ANTXR1: variants seen among roughly 807,000 people sequenced by gnomAD.
The protein encoded by ANTXR1 is anthrax toxin receptor 1.
ANTXR1 carries 19 observed loss-of-function variants against 78.1 expected under a neutral mutation model. The observed-to-expected ratio is 0.24, with a 90% CI of 0.17 to 0.36. The LOEUF (loss-of-function observed/expected upper bound fraction) is 0.36, where lower values mean the gene tolerates loss of function less well. ANTXR1 is among the 10% of genes least tolerant of loss of function. The probability of loss-of-function intolerance (pLI) is 1.00; values close to 1 mark genes in which losing one functional copy is unlikely to be tolerated. For synonymous variants in ANTXR1, 273 were observed against 260.5 expected (o/e 1.05, Z -0.46); for missense variants, 518 against 718.6 (o/e 0.72, Z 3.19).
intron 1 of ANTXR1, among the ~76,000 whole-genome samples, chr2:69,032,677 G>C (rs1671563638): frequency 6.6e-6 from 1 of 152,162 alleles, no homozygotes; most frequent in African/African-American, 2.4e-5. Context: ...TAACAACAGT[G>C]CTTTTGTGTT....
At chr2:69,155,709 G>T (rs1018934746) in intron 13 of ANTXR1, among the ~76,000 whole-genome samples, 5 of 152,178 alleles carry the variant, frequency 3.3e-5, no homozygotes, top group African/African-American at 4.8e-5. Flanking sequence ...CTAAAAAGTT[G>T]TAGAAAATGC....
intron 9 of ANTXR1, among the ~76,000 whole-genome samples, chr2:69,095,011 C>T (rs1353494034): frequency 6.6e-6 from 1 of 152,182 alleles, no homozygotes; most frequent in African/African-American, 2.4e-5. Flanking sequence ...CATCAATAAC[C>T]ATCCAGTGTC....
chr2:69,102,939 C>T lies in ANTXR1; in HGVS notation c.801C>T (p.Leu267=), dbSNP rs141801948. The part of the protein sequence containing the change: ...CSFKINDSVT[L]NEKPFSVEDT... ...TCAAGATCAATGACTCGGTCACACT[C>T]AGTAAGTCCTTGCAGAGTCCATGGG... The change falls in exon 10 of 18, where the codon CTC becomes CTT. Residue 267 remains leucine, a splice_region_variant and synonymous_variant. Transcript: ENST00000303714. 6.2e-7 allele frequency: 1 copy of T among 1,614,100 alleles called. No individual in the cohort carries two copies. Among genetic ancestry groups the T allele is most frequent in the Non-Finnish European group, 8.5e-7 (1 of 1,179,962 alleles).
rs534831322 is a variant in ANTXR1 at position 69,172,619 on chromosome 2, A to G, written c.1089+2330A>G. On this transcript the variant is annotated intron_variant, in intron 14 of 17. Transcript: ENST00000303714. Reference sequence around the variant, plus strand: ...ATTTATCCCAACTTTCATCAGCTCTATCAACATCATATTCTGAGAGAGGCA... The same window carrying G: ...ATTTATCCCAACTTTCATCAGCTCTGTCAACATCATATTCTGAGAGAGGCA... The G allele has an allele frequency of 1.2e-4, 118 of 1,017,020 alleles. No individual in the cohort carries two copies. The African/African-American group carries it at 1.7e-3, about 15-fold the overall frequency. The allele number at this position is 1,017,020 out of a possible 1,614,324, so 63.0% of individuals were successfully genotyped here. A position where few individuals can be genotyped will look rare whatever the true frequency, so the allele number is the denominator to read the frequency against.
At chr2:69,073,310 A>G (rs1670628469) in intron 6 of ANTXR1, among the ~76,000 whole-genome samples, 1 of 152,216 alleles carries the variant, frequency 6.6e-6, no homozygotes, top group Admixed American at 6.5e-5. Flanking sequence ...TTCCCCTTTC[A>G]AAATTTTTAC....
intron 12 of ANTXR1, among the ~76,000 whole-genome samples, chr2:69,138,714 C>T (rs577477639): frequency 3.2e-4 from 48 of 152,290 alleles, no homozygotes; most frequent in African/African-American, 1.0e-3. Flanking sequence ...TTAGTTTAGT[C>T]AGTGCCCAAA....
At chr2:69,123,156 A>G (rs1672408876) in intron 11 of ANTXR1, 70 bp downstream of exon 11, 12 of 1,512,088 alleles carry the variant, frequency 7.9e-6, no homozygotes, top group African/African-American at 1.4e-5. Flanking sequence ...GGACAGGGGA[A>G]AAGAAAGCAT....
Position 69,105,116 on chromosome 2 carries a change from C to T in ANTXR1, c.802+2176C>T, listed in dbSNP as rs144482946. On this transcript the variant is annotated intron_variant, in intron 10 of 17. Transcript: ENST00000303714. ...TAATAGGAAGAAGATGAAATGCAAA[C>T]TCACTATGGATTTGTCAAGTGAGTA... Among the ~76,000 whole-genome samples the T allele has an allele frequency of 4.1e-4, 62 of 152,284 alleles. No individual in the cohort carries two copies. The East Asian group carries it at 0.012, about 29-fold the overall frequency.
chr2:69,236,224 G>T (rs2104527117), intron 17 of ANTXR1, among the ~76,000 whole-genome samples: 1 of 152,224 alleles, frequency 6.6e-6, no homozygotes, highest in Non-Finnish European at 1.5e-5. Flanking sequence ...AATAAAAAAA[G>T]ATCAAAACCT....
intron 12 of ANTXR1, among the ~76,000 whole-genome samples, chr2:69,147,225 G>T (rs1423578614): frequency 6.6e-6 from 1 of 152,238 alleles, no homozygotes; most frequent in Non-Finnish European, 1.5e-5. Context: ...ATCTTGGAAC[G>T]TGGTAAAGAT....
At chr2:69,188,400 C>T (rs1021936484) in intron 16 of ANTXR1, among the ~76,000 whole-genome samples, 12 of 152,244 alleles carry the variant, frequency 7.9e-5, no homozygotes, top group Non-Finnish European at 1.5e-4. Flanking sequence ...CGGCTCCCTA[C>T]CTCCAGAATG....
At chr2:69,199,606 GTGGTTTTCAA>G (rs1167175053) in intron 17 of ANTXR1, among the ~76,000 whole-genome samples, 2 of 152,204 alleles carry the variant, frequency 1.3e-5, no homozygotes, top group African/African-American at 4.8e-5. Context: ...GTGGACTCCA[GTGGTTTTCAA>G]TGTGTTTGCA....
At chr2:69,150,437 C>T (rs1673360831) in intron 12 of ANTXR1, among the ~76,000 whole-genome samples, 1 of 152,184 alleles carries the variant, frequency 6.6e-6, no homozygotes, top group Non-Finnish European at 1.5e-5. Flanking sequence ...AATCCCTGGG[C>T]CCAGTGAGCT....
rs568259961 is a variant in ANTXR1, at chr2:69,216,861, C to T, written c.1434+23446C>T. ...TCCTACATTCTTGACCCGTGTTTGG[C>T]ACTCAGAACAAGTGACCATTGTCAT... is the stretch of plus-strand genomic sequence containing the variant. On this transcript the variant is annotated intron_variant, in intron 17 of 17. Transcript: ENST00000303714. Among the ~76,000 whole-genome samples the T allele has an allele frequency of 3.3e-5, 5 of 152,338 alleles. 1 individual carries two copies. The highest frequency in any genetic ancestry group is 7.2e-5 in the African/African-American group (3 of 41,582).
chr2:69,155,899 A>G (rs1010597687), intron 13 of ANTXR1, among the ~76,000 whole-genome samples: 5 of 152,116 alleles, frequency 3.3e-5, no homozygotes, highest in Admixed American at 6.5e-5. Context: ...GCTGCCCCAA[A>G]TGAGAAATCT....
chr2:69,085,670 G>A (rs1327776847), intron 8 of ANTXR1, among the ~76,000 whole-genome samples: 1 of 151,426 alleles, frequency 6.6e-6, no homozygotes, highest in Non-Finnish European at 1.5e-5. Context: ...CCTTCTCCTT[G>A]TAGAGTTTAT....
Position 69,040,024 on chromosome 2 carries a change from A to G in ANTXR1, c.153-20A>G. 3.1e-6 allele frequency: 5 copies of G among 1,610,824 alleles called. No homozygotes were observed. Among genetic ancestry groups the G allele is most frequent in the South Asian group, 2.2e-5 (2 of 90,972 alleles). ...CAAGTAAACACCTGAGTCACGCAAC[A>G]CCTGCTTTTGTTTTCCTAGATCAGG... On this transcript the variant is annotated intron_variant, in intron 1 of 17. Transcript: ENST00000303714.
chr2:69,172,461 C>G (rs1674016163), intron 14 of ANTXR1: 5 of 1,560,862 alleles, frequency 3.2e-6, no homozygotes, highest in African/African-American at 2.7e-5. Flanking sequence ...ATACAATGCT[C>G]TGAAAATCAT....
intron 16 of ANTXR1, among the ~76,000 whole-genome samples, chr2:69,183,623 C>T (rs1674340251): frequency 1.0e-5 from 1 of 97,994 alleles, no homozygotes; most frequent in African/African-American, 5.3e-5. Context: ...CACTATGTTG[C>T]CCAGGCCTGT....
Sources: gnomAD v4.1 joint callset for allele counts (sites outside exome capture counted in the v4.1 genomes callset) on GRCh38, gnomAD v4.1.1 for gene constraint, MANE v1.5 for transcripts, NCBI Gene and HGNC (gene_info 2026-07-23, HGNC 2026-07-21) for gene names.